The following DPP10 variants were observed in gnomAD, a reference collection of about 807,000 sequenced individuals.
DPP10 encodes dipeptidyl peptidase like 10, also known as inactive dipeptidyl peptidase 10.
Under a neutral mutation model 120.9 loss-of-function variants are expected in DPP10, and 33 were observed. The observed-to-expected ratio is 0.27, with a 90% confidence interval of 0.21 to 0.37. The LOEUF is 0.37. Ranked by LOEUF, DPP10 falls within the 10% of genes least tolerant of loss-of-function variation. DPP10 has a pLI of 1.00. For missense variants in DPP10, 816 were observed against 942.8 expected, an observed-to-expected ratio of 0.87 and a Z score of 1.76; for synonymous variants, 337 against 326.1, an observed-to-expected ratio of 1.03 and a Z score of -0.36.
intron 7 of DPP10, among the ~76,000 whole-genome samples, chr2:115,708,532 A>G (rs2092210976): frequency 6.6e-6 from 1 of 152,016 alleles, no homozygotes; most frequent in African/African-American, 2.4e-5. Context: ...GGGGGTGAAT[A>G]ATGTCAAGTT....
intron 3 of DPP10, among the ~76,000 whole-genome samples, chr2:115,386,573 G>A (rs142946522): frequency 6.6e-6 from 1 of 152,104 alleles, no homozygotes. Flanking sequence ...CATAGATAAT[G>A]GTCAGTTAAT....
intron 1 of DPP10, among the ~76,000 whole-genome samples, chr2:114,716,492 G>T (rs1474681208): frequency 6.6e-6 from 1 of 152,066 alleles, no homozygotes; most frequent in Non-Finnish European, 1.5e-5. Flanking sequence ...ATACCAAACT[G>T]TACACAGGAA....
At chr2:114,878,541 G>T (rs1386202752) in intron 1 of DPP10, among the ~76,000 whole-genome samples, 2 of 152,034 alleles carry the variant, frequency 1.3e-5, no homozygotes, top group African/African-American at 4.8e-5. Context: ...CAGTCTAACA[G>T]TTGCACGTTT....
At chr2:114,573,065 A>G (rs1689779345) in intron 1 of DPP10, among the ~76,000 whole-genome samples, 1 of 152,142 alleles carries the variant, frequency 6.6e-6, no homozygotes, top group Non-Finnish European at 1.5e-5. Flanking sequence ...CCCATCGCAG[A>G]CTTCACCTCC....
At position 115,796,813 on chromosome 2, in the gene DPP10, T is replaced by C. The variant is rs546027377; in HGVS notation, c.1700+5457T>C. Among the ~76,000 whole-genome samples, 39 of 152,232 alleles carry C rather than the reference T, an allele frequency of 2.6e-4. 1 individual carries two copies. In the South Asian group the frequency reaches 7.5e-3, roughly 29 times the overall value. On this transcript the variant is annotated intron_variant, in intron 19 of 25. Coordinates refer to ENST00000410059, the MANE Select transcript of DPP10 (RefSeq NM_020868.6). ...CCTTATAGAAATCATCCAAGGTGAA[T>C]ACTACTGTCCTCATGTTAACACAAG...
intron 3 of DPP10, among the ~76,000 whole-genome samples, chr2:115,427,469 C>T (rs2070588060): frequency 6.6e-6 from 1 of 152,222 alleles, no homozygotes; most frequent in Admixed American, 6.5e-5. Context: ...ACGTGGAAAC[C>T]ACCAAGGCTT....
At chr2:115,155,364 T>C (rs748021385) in intron 1 of DPP10, among the ~76,000 whole-genome samples, 1 of 152,164 alleles carries the variant, frequency 6.6e-6, no homozygotes, top group Non-Finnish European at 1.5e-5. Context: ...TTCGGGAAGA[T>C]GAAAATGTGA....
chr2:115,005,235 G>A (rs1701734192), intron 1 of DPP10, among the ~76,000 whole-genome samples: 1 of 152,084 alleles, frequency 6.6e-6, no homozygotes. Flanking sequence ...CATCATCAAA[G>A]GCCAAAATAG....
intron 1 of DPP10, among the ~76,000 whole-genome samples, chr2:115,038,097 T>A (rs921467621): frequency 1.3e-4 from 20 of 152,162 alleles, no homozygotes; most frequent in African/African-American, 4.8e-4. Context: ...GATAGTGATA[T>A]GTAGTTTAAG....
At chr2:115,202,401 T>C (rs939191295) in intron 1 of DPP10, among the ~76,000 whole-genome samples, 22 of 152,220 alleles carry the variant, frequency 1.4e-4, no homozygotes, top group Non-Finnish European at 1.8e-4. Flanking sequence ...TGAACATATT[T>C]TCAATTTGCT....
intron 1 of DPP10, among the ~76,000 whole-genome samples, chr2:115,089,503 C>A (rs1709063120): frequency 6.6e-6 from 1 of 152,176 alleles, no homozygotes; most frequent in Admixed American, 6.5e-5. Context: ...TCACTACCCT[C>A]TCTATCACAC....
chr2:115,521,065 G>T (rs1440011378), intron 4 of DPP10, among the ~76,000 whole-genome samples: 1 of 152,184 alleles, frequency 6.6e-6, no homozygotes. Flanking sequence ...GCTTAAAGGA[G>T]AAGAATTAGA....
At chr2:114,546,451 C>G (rs1573619223) in intron 1 of DPP10, among the ~76,000 whole-genome samples, 4 of 152,220 alleles carry the variant, frequency 2.6e-5, no homozygotes, top group Admixed American at 2.6e-4. Context: ...CTGACCAGGC[C>G]CCACCTCCAA....
chr2:115,558,066 TTGTG>T (rs887135113), intron 5 of DPP10, among the ~76,000 whole-genome samples: 1 of 152,128 alleles, frequency 6.6e-6, no homozygotes, highest in Non-Finnish European at 1.5e-5. Context: ...ACATGTACAT[TTGTG>T]TGTGTGTTTA....
chr2:115,306,908 T>A (rs915781812), intron 1 of DPP10, among the ~76,000 whole-genome samples: 2 of 152,136 alleles, frequency 1.3e-5, no homozygotes, highest in African/African-American at 2.4e-5. Context: ...AAAGTATTGA[T>A]GTACAGTTAT....
At chr2:115,576,883 T>A (rs192937037) in intron 5 of DPP10, among the ~76,000 whole-genome samples, 279 of 152,350 alleles carry the variant, frequency 1.8e-3, no homozygotes, top group African/African-American at 6.4e-3. Flanking sequence ...CTTTCTTTGA[T>A]GTAACAGAGA....
chr2:115,432,998 G>C (rs916599416), intron 3 of DPP10, among the ~76,000 whole-genome samples: 6 of 152,052 alleles, frequency 3.9e-5, no homozygotes, highest in Admixed American at 3.3e-4. Flanking sequence ...AAACCAAACA[G>C]AGCAGAATCT....
intron 3 of DPP10, among the ~76,000 whole-genome samples, chr2:115,489,541 A>G (rs1275496926): frequency 2.0e-5 from 3 of 152,014 alleles, no homozygotes; most frequent in African/African-American, 7.2e-5. Context: ...GCTAATTAAA[A>G]ACAAATAAAA....
intron 5 of DPP10, among the ~76,000 whole-genome samples, chr2:115,617,270 T>A (rs1035667054): frequency 7.6e-3 from 11 of 1,438 alleles, no homozygotes; most frequent in East Asian, 0.17. Flanking sequence ...TATATATATT[T>A]TTTATATATA....
Sources: gnomAD v4.1 joint callset for allele counts (sites outside exome capture counted in the v4.1 genomes callset) on GRCh38, gnomAD v4.1.1 for gene constraint, MANE v1.5 for transcripts, NCBI Gene and HGNC (gene_info 2026-07-23, HGNC 2026-07-21) for gene names.